The following SASH1 variants were observed in gnomAD, a reference collection of about 807,000 sequenced individuals.
SASH1 encodes the protein SAM and SH3 domain containing 1, also known as SAM and SH3 domain-containing protein 1.
SASH1 carries 44 observed loss-of-function variants against 125.2 expected under a neutral mutation model. The ratio of observed to expected loss-of-function variants is 0.35; its 90% CI spans 0.28 to 0.45. SASH1 has a LOEUF of 0.45. Ranked by LOEUF, SASH1 falls within the 20% of genes least tolerant of loss-of-function variation. The pLI is 1.00. For missense variants in SASH1, 1,426 were observed against 1,614.5 expected, an observed-to-expected ratio of 0.88 and a Z score of 2.00; for synonymous variants, 639 against 649.1, an observed-to-expected ratio of 0.98 and a Z score of 0.24.
intron 4 of SASH1, among the ~76,000 whole-genome samples, chr6:148,441,257 C>T (rs1009896059): frequency 2.6e-5 from 4 of 152,192 alleles, no homozygotes; most frequent in Admixed American, 6.5e-5. Flanking sequence ...TTGGGGAGAG[C>T]GTGTGTGTGC....
At chr6:148,522,577 A>G (rs955957186) in intron 10 of SASH1, among the ~76,000 whole-genome samples, 2 of 152,154 alleles carry the variant, frequency 1.3e-5, no homozygotes, top group African/African-American at 4.8e-5. Flanking sequence ...TGGTCATTCA[A>G]TTTTTGTTTG....
At chr6:148,312,623 A>G (rs1041179066) in intron 1 of SASH1, among the ~76,000 whole-genome samples, 2 of 152,220 alleles carry the variant, frequency 1.3e-5, no homozygotes, top group Non-Finnish European at 2.9e-5. Flanking sequence ...AGAAATACCC[A>G]TTTCCTCATC....
intron 1 of SASH1, among the ~76,000 whole-genome samples, chr6:148,293,316 T>TGCAGCCAGGAATCA (rs1299826949): frequency 2.6e-5 from 4 of 152,226 alleles, no homozygotes; most frequent in Non-Finnish European, 5.9e-5. Flanking sequence ...GCTCCTTGCA[T>TGCAGCCAGGAATCA]GCAGCCAGGA....
intron 8 of SASH1, among the ~76,000 whole-genome samples, chr6:148,504,951 C>T (rs2115282953): frequency 6.6e-6 from 1 of 152,260 alleles, no homozygotes; most frequent in Non-Finnish European, 1.5e-5. Context: ...TGAGGAGAGG[C>T]CGCTCAGGGG....
intron 2 of SASH1, among the ~76,000 whole-genome samples, chr6:148,401,923 G>A (rs1391015679): frequency 6.6e-6 from 1 of 152,096 alleles, no homozygotes; most frequent in Non-Finnish European, 1.5e-5. Flanking sequence ...TTTCTCCTTA[G>A]GGTGTGGGTT....
intron 17 of SASH1, among the ~76,000 whole-genome samples, chr6:148,543,108 T>C (rs1782330788): frequency 6.6e-6 from 1 of 152,200 alleles, no homozygotes; most frequent in Admixed American, 6.5e-5. Flanking sequence ...TTGTAGATTT[T>C]CTTTGGCAAA....
chr6:148,339,539 G>GATATAAATTATAA (rs1781263800), upstream of SASH1, among the ~76,000 whole-genome samples: 1 of 150,836 alleles, frequency 6.6e-6, no homozygotes, highest in Admixed American at 6.6e-5. Flanking sequence ...TATAAATATA[G>GATATAAATTATAA]ATATCTATAT....
chr6:148,208,165 C>T, the SASH1 span, among the ~76,000 whole-genome samples: 2 of 152,046 alleles, frequency 1.3e-5, no homozygotes, highest in African/African-American at 4.8e-5. Context: ...ATATGGAGCT[C>T]GCGAGATGGG....
chr6:148,313,693 A>G (rs1346488986), intron 1 of SASH1, among the ~76,000 whole-genome samples: 2 of 152,078 alleles, frequency 1.3e-5, no homozygotes, highest in Non-Finnish European at 2.9e-5. Context: ...TGCTGTTTCT[A>G]ATTGACAGGG....
intron 8 of SASH1, among the ~76,000 whole-genome samples, chr6:148,505,926 G>A (rs1426111869): frequency 6.7e-6 from 1 of 150,222 alleles, no homozygotes; most frequent in African/African-American, 2.5e-5. Context: ...GTGAGCCACC[G>A]CGCCCAGCTA....
At chr6:148,263,099 G>A in the SASH1 span, among the ~76,000 whole-genome samples, 6 of 152,162 alleles carry the variant, frequency 3.9e-5, no homozygotes, top group Admixed American at 1.3e-4. Flanking sequence ...GCAGAGAGAC[G>A]GCAGGCAGAC....
chr6:148,305,848 G>A (rs80292102), intron 1 of SASH1, among the ~76,000 whole-genome samples: 8,510 of 152,158 alleles, frequency 0.056, 324 homozygotes, highest in Admixed American at 0.11. Flanking sequence ...GTCTGAAGGA[G>A]AAATTCGAGG....
At chr6:148,251,833 T>A in the SASH1 span, among the ~76,000 whole-genome samples, 2 of 57,582 alleles carry the variant, frequency 3.5e-5, no homozygotes, top group African/African-American at 7.2e-5. Flanking sequence ...CCCTCCCCCC[T>A]CCCCCCACCC....
chr6:148,227,793 A>T, the SASH1 span, among the ~76,000 whole-genome samples: 2 of 152,340 alleles, frequency 1.3e-5, no homozygotes, highest in Admixed American at 1.3e-4. Context: ...ACATGGTTCC[A>T]TTCCATCACC....
At chr6:148,493,450 C>T (rs536151951) in intron 8 of SASH1, among the ~76,000 whole-genome samples, 92 of 152,092 alleles carry the variant, frequency 6.0e-4, no homozygotes, top group Admixed American at 1.2e-3. Flanking sequence ...GTGCAAGAGC[C>T]GGAGCTTTTC....
chr6:148,502,146 T>G (rs1015128946), intron 8 of SASH1, among the ~76,000 whole-genome samples: 2 of 152,236 alleles, frequency 1.3e-5, no homozygotes, highest in Non-Finnish European at 2.9e-5. Context: ...TTTCTTCAAA[T>G]CTGGCAACAA....
At chr6:148,261,011 G>A in the SASH1 span, among the ~76,000 whole-genome samples, 2 of 151,896 alleles carry the variant, frequency 1.3e-5, no homozygotes, top group African/African-American at 4.8e-5. Context: ...CACTATGTTG[G>A]CCAGGCTGGT....
At chr6:148,432,750 A>G (rs1045250062) in intron 2 of SASH1, among the ~76,000 whole-genome samples, 1 of 152,224 alleles carries the variant, frequency 6.6e-6, no homozygotes, top group Non-Finnish European at 1.5e-5. Flanking sequence ...GGGAGGAGGA[A>G]CGTGTGGATT....
chr6:148,459,225 T>C (rs1259834764), intron 4 of SASH1, among the ~76,000 whole-genome samples: 2 of 151,882 alleles, frequency 1.3e-5, no homozygotes, highest in African/African-American at 4.8e-5. Flanking sequence ...TGAAGAAAAA[T>C]ATGGCCCAGA....
Sources: gnomAD v4.1 joint callset for allele counts (sites outside exome capture counted in the v4.1 genomes callset) on GRCh38, gnomAD v4.1.1 for gene constraint, MANE v1.5 for transcripts, NCBI Gene and HGNC (gene_info 2026-07-23, HGNC 2026-07-21) for gene names.